The following VPS13B variants were observed in gnomAD, a reference collection of about 807,000 sequenced individuals.
VPS13B encodes the protein intermembrane lipid transfer protein VPS13B.
VPS13B carries 285 observed loss-of-function variants against 426.4 expected under a neutral mutation model. That is an observed-to-expected ratio of 0.67 (90% CI 0.61 to 0.74). The LOEUF (loss-of-function observed/expected upper bound fraction) is 0.74. VPS13B is among the 30% of genes least tolerant of loss of function. The probability of loss-of-function intolerance (pLI) is 0.00; values close to 1 mark genes in which losing one functional copy is unlikely to be tolerated. For missense variants in VPS13B, 4,537 were observed against 4,782.6 expected (o/e 0.95, Z 1.51); for synonymous variants, 1,676 against 1,676.4 (o/e 1.00, Z 0.01).
At chr8:99,028,723 C>T (rs1200852888) in intron 2 of VPS13B, among the ~76,000 whole-genome samples, 1 of 138,060 alleles carries the variant, frequency 7.2e-6, no homozygotes, top group African/African-American at 2.7e-5. Flanking sequence ...GGGGGGCTGA[C>T]CCCCCCACCT....
intron 19 of VPS13B, among the ~76,000 whole-genome samples, chr8:99,284,088 T>C (rs965949905): frequency 6.6e-6 from 1 of 152,192 alleles, no homozygotes; most frequent in Non-Finnish European, 1.5e-5. Flanking sequence ...TATTTTCAAG[T>C]ACTAGAAATG....
intron 17 of VPS13B, among the ~76,000 whole-genome samples, chr8:99,260,686 A>T (rs1817993848): frequency 1.3e-5 from 2 of 151,970 alleles, no homozygotes; most frequent in Non-Finnish European, 2.9e-5. Context: ...GTCCACATAC[A>T]ATCTAGTGAT....
intron 24 of VPS13B, among the ~76,000 whole-genome samples, chr8:99,469,694 G>A (rs1323654977): frequency 6.6e-6 from 1 of 152,004 alleles, no homozygotes; most frequent in Non-Finnish European, 1.5e-5. Context: ...TTGTGTCCCC[G>A]CAAAAATATA....
chr8:99,193,207 C>G, intron 17 of VPS13B, 150 bp downstream of exon 17: 1 of 841,252 alleles, frequency 1.2e-6, no homozygotes, highest in Non-Finnish European at 1.8e-6. Context: ...TGTTTAAAAT[C>G]CAGATTATGA....
At chr8:99,747,637 T>C (rs1810162452) in intron 39 of VPS13B, among the ~76,000 whole-genome samples, 1 of 152,060 alleles carries the variant, frequency 6.6e-6, no homozygotes, top group Non-Finnish European at 1.5e-5. Context: ...ATGGCAAAAA[T>C]GTTTATACTT....
In VPS13B at chr8:99,823,794, A is replaced by G. The variant is rs750610289; in HGVS notation, c.9184-38A>G. 16 of 1,600,840 alleles carry G rather than the reference A, an allele frequency of 1.0e-5. 1 individual carries two copies. The Admixed American group carries it at 2.7e-4, about 27-fold the overall frequency. On this transcript the variant is annotated intron_variant, in intron 50 of 61. Transcript: ENST00000357162. ...CTCAAGAGATTTTGATATGCCTTAC[A>G]GTATTGTCAAAATTATTTTTTCTCA...
intron 2 of VPS13B, among the ~76,000 whole-genome samples, chr8:99,035,503 G>T (rs181053688): frequency 3.3e-5 from 5 of 152,156 alleles, no homozygotes; most frequent in Admixed American, 3.3e-4. Context: ...TATGGGATTG[G>T]CTTATTTTTT....
At chr8:99,099,798 C>T (rs1319768319) in intron 4 of VPS13B, among the ~76,000 whole-genome samples, 1 of 152,144 alleles carries the variant, frequency 6.6e-6, no homozygotes, top group African/African-American at 2.4e-5. Flanking sequence ...GTGTTTTCAT[C>T]TGGGCCTGTG....
At chr8:99,760,775 A>T (rs1810888729) in intron 39 of VPS13B, among the ~76,000 whole-genome samples, 1 of 152,208 alleles carries the variant, frequency 6.6e-6, no homozygotes, top group African/African-American at 2.4e-5. Flanking sequence ...TATTCAAGAA[A>T]AGAAAATTGT....
intron 2 of VPS13B, among the ~76,000 whole-genome samples, chr8:99,021,389 G>A (rs533611279): frequency 1.7e-4 from 26 of 152,244 alleles, no homozygotes; most frequent in Admixed American, 1.7e-3. Flanking sequence ...TTGGGAGGCC[G>A]AGGCGGGTGG....
At chr8:99,044,310 C>G (rs1843106712) in intron 3 of VPS13B, among the ~76,000 whole-genome samples, 1 of 151,728 alleles carries the variant, frequency 6.6e-6, no homozygotes, top group Non-Finnish European at 1.5e-5. Context: ...GTCTCTATCT[C>G]CTGACCTTGT....
chr8:99,516,951 A>G (rs946547549), intron 29 of VPS13B, among the ~76,000 whole-genome samples: 3 of 152,176 alleles, frequency 2.0e-5, no homozygotes, highest in African/African-American at 4.8e-5. Context: ...ATCTGTGTCA[A>G]AGATGAGTGG....
Position 99,467,616 on chromosome 8 carries a change from A to G in VPS13B, c.3648A>G (p.Ile1216Met). 6.2e-7 allele frequency: 1 copy of G among 1,613,712 alleles called. No individual in the cohort carries two copies. Among genetic ancestry groups the G allele is most frequent in the Non-Finnish European group, 8.5e-7 (1 of 1,179,720 alleles). ...CLHVDLESLE[I>M]KCSNPQVQLF... ...ATGTTGACCTAGAGTCACTAGAGAT[A>G]AAATGCTCTAATCCCCAGGTTGGTA... The change falls in exon 24 of 62, where the codon ATA becomes ATG. Residue 1216 changes from isoleucine (I) to methionine (M), a missense_variant. Physicochemically the swap from Ile to Met is conservative, Grantham distance 10. This residue lies in a region of VPS13B where 4,311 missense variants were observed against 4,474.3 expected (regional missense o/e 0.96). Transcript: ENST00000357162.
intron 13 of VPS13B, among the ~76,000 whole-genome samples, chr8:99,144,054 T>G (rs1194769394): frequency 6.6e-6 from 1 of 152,050 alleles, no homozygotes; most frequent in Non-Finnish European, 1.5e-5. Context: ...TACAATGGTA[T>G]GGGCTGGACC....
intron 17 of VPS13B, among the ~76,000 whole-genome samples, chr8:99,271,199 ACT>A (rs1818576278): frequency 5.6e-4 from 14 of 24,902 alleles, no homozygotes; most frequent in South Asian, 5.7e-3. Context: ...ACCACTAACT[ACT>A]ACTACTACTA....
rs1430350940 is a variant in VPS13B at position 99,859,301 on chromosome 8, C to G, written c.10868-3C>G. 6.2e-7 allele frequency: 1 copy of G among 1,613,304 alleles called. No individual in the cohort carries two copies. The highest frequency in any genetic ancestry group is 8.5e-7 in the Non-Finnish European group (1 of 1,179,910). ...ATCACCCCTTCCCTCTTGTGCGTTG[C>G]AGGCTGGGTAGTTGGGTCTCTGGAT... On this transcript the variant is annotated splice_region_variant and splice_polypyrimidine_tract_variant and intron_variant, in intron 56 of 61. Transcript: ENST00000357162.
intron 13 of VPS13B, among the ~76,000 whole-genome samples, chr8:99,143,734 A>C (rs927694974): frequency 1.3e-5 from 2 of 152,134 alleles, no homozygotes. Context: ...TTAAAATTTG[A>C]CCCTCACTTC....
intron 17 of VPS13B, among the ~76,000 whole-genome samples, chr8:99,271,626 C>G (rs76554663): frequency 0.022 from 3,291 of 152,264 alleles, 131 homozygotes; most frequent in African/African-American, 0.075. Flanking sequence ...AAAGGAAAGA[C>G]ACTTGATTGA....
At chr8:99,519,602 C>G (rs1199474344) in intron 29 of VPS13B, among the ~76,000 whole-genome samples, 1 of 152,090 alleles carries the variant, frequency 6.6e-6, no homozygotes, top group Non-Finnish European at 1.5e-5. Flanking sequence ...CACATATATA[C>G]CATGGAAGAC....
Sources: allele counts gnomAD v4.1 joint callset (sites outside exome capture counted in the v4.1 genomes callset), GRCh38; gene constraint gnomAD v4.1.1; regional missense constraint gnomAD v4.1.1; transcripts MANE v1.5; gene names NCBI Gene and HGNC (gene_info 2026-07-23, HGNC 2026-07-21).